LUZP2: variants seen among roughly 807,000 people sequenced by gnomAD.
The protein encoded by LUZP2 is leucine zipper protein 2.
In LUZP2, 52 loss-of-function variants were observed where a neutral mutation model predicts 51.6. The ratio of observed to expected loss-of-function variants is 1.01; its 90% CI spans 0.81 to 1.27. The LOEUF is 1.27. Ranked by LOEUF, LUZP2 falls within the 50% of genes most tolerant of loss-of-function variation. The pLI, the probability that LUZP2 is intolerant of heterozygous loss-of-function variation, is 0.00. For synonymous variants in LUZP2, 154 were observed against 137.3 expected, an observed-to-expected ratio of 1.12 and a Z score of -0.85; for missense variants, 436 against 395.4, an observed-to-expected ratio of 1.10 and a Z score of -0.87.
At chr11:24,877,934 G>A (rs1852325512) in intron 5 of LUZP2, among the ~76,000 whole-genome samples, 1 of 151,996 alleles carries the variant, frequency 6.6e-6, no homozygotes, top group South Asian at 2.1e-4. Context: ...GTAAATAACA[G>A]GATCTCATAT....
At chr11:24,942,158 T>C (rs1338550136) in intron 7 of LUZP2, among the ~76,000 whole-genome samples, 1 of 152,208 alleles carries the variant, frequency 6.6e-6, no homozygotes, top group Non-Finnish European at 1.5e-5. Context: ...CTATTATAAA[T>C]ACTGCTGCTA....
intron 1 of LUZP2, among the ~76,000 whole-genome samples, chr11:24,689,447 C>T (rs931220887): frequency 5.9e-5 from 9 of 152,180 alleles, no homozygotes; most frequent in African/African-American, 2.2e-4. Flanking sequence ...GCCTGCTCAC[C>T]CAGCTCCTGA....
intron 7 of LUZP2, among the ~76,000 whole-genome samples, chr11:24,924,352 A>G (rs1163384554): frequency 6.6e-5 from 10 of 152,128 alleles, no homozygotes; most frequent in East Asian, 1.9e-4. Context: ...TGCTGGGATT[A>G]CAGGCGTGAG....
At chr11:24,962,456 GTTCAT>G (rs1855442321) in intron 7 of LUZP2, among the ~76,000 whole-genome samples, 1 of 152,140 alleles carries the variant, frequency 6.6e-6, no homozygotes, top group South Asian at 2.1e-4. Context: ...TGGAGGCTTT[GTTCAT>G]TTCTTTTTAT....
At chr11:24,685,384 A>T (rs1456252957) in intron 1 of LUZP2, among the ~76,000 whole-genome samples, 5 of 152,016 alleles carry the variant, frequency 3.3e-5, no homozygotes, top group African/African-American at 7.2e-5. Flanking sequence ...CACCTGCCTA[A>T]TTACTATCTC....
intron 4 of LUZP2, among the ~76,000 whole-genome samples, chr11:24,745,106 T>C (rs1018248946): frequency 6.6e-6 from 1 of 152,192 alleles, no homozygotes; most frequent in East Asian, 1.9e-4. Flanking sequence ...TTAAACTTAT[T>C]GAGACTTGTT....
intron 1 of LUZP2, among the ~76,000 whole-genome samples, chr11:24,690,856 A>G (rs1419722784): frequency 6.6e-6 from 1 of 152,078 alleles, no homozygotes; most frequent in Admixed American, 6.6e-5. Context: ...GTGGGAGAGA[A>G]ATAATTTTTG....
chr11:24,736,706 T>A (rs1373808056), intron 3 of LUZP2, among the ~76,000 whole-genome samples: 1 of 151,970 alleles, frequency 6.6e-6, no homozygotes, highest in Admixed American at 6.6e-5. Flanking sequence ...TATATTATAC[T>A]ACAAACACTC....
At position 25,013,285 on chromosome 11, in the gene LUZP2, G is replaced by GA. The variant is rs201931875; in HGVS notation, c.765+29998dup. Among the ~76,000 whole-genome samples the GA allele has an allele frequency of 4.5e-3, 690 of 152,084 alleles. 8 individuals are homozygous for GA. The highest frequency in any genetic ancestry group is 0.016 in the African/African-American group (656 of 41,502). On this transcript the variant is annotated intron_variant, in intron 9 of 11. Transcript: ENST00000336930. Reference sequence around the variant, plus strand: ...TGGGTACAAACATACACTTAACGTAGAAAAAATGAATGTTTAACAGCAGAG... The same window carrying GA: ...TGGGTACAAACATACACTTAACGTAGAAAAAAATGAATGTTTAACAGCAGAG...
intron 1 of LUZP2, among the ~76,000 whole-genome samples, chr11:24,665,209 T>C (rs941774474): frequency 6.6e-5 from 10 of 152,300 alleles, no homozygotes; most frequent in East Asian, 1.9e-4. Context: ...GACTGCCTTA[T>C]TGGATTTTGG....
In LUZP2 at chr11:24,913,669, T is replaced by TTTTG. The variant is rs374943014; in HGVS notation, c.460-806_460-805insTTGT. 2.9e-3 allele frequency among the ~76,000 whole-genome samples: 426 copies of TTTTG among 148,536 alleles called. 2 individuals carry two copies. Among genetic ancestry groups the TTTTG allele is most frequent in the African/African-American group, 7.3e-3 (295 of 40,674 alleles). On this transcript the variant is annotated intron_variant, in intron 6 of 11. Coordinates refer to ENST00000336930, the MANE Select transcript of LUZP2 (RefSeq NM_001009909.4). ...CATGTGATCATGCTAATCTATTTAT[T>TTTTG]TGTGTGTGTGTGTGTGTGTGTGTGT...
chr11:24,921,189 C>G (rs941067068), intron 7 of LUZP2, among the ~76,000 whole-genome samples: 5 of 151,968 alleles, frequency 3.3e-5, no homozygotes, highest in South Asian at 2.1e-4. Context: ...AAGAAAACAG[C>G]TCCCCCATAC....
intron 5 of LUZP2, among the ~76,000 whole-genome samples, chr11:24,775,517 T>C (rs1848890928): frequency 6.6e-6 from 1 of 152,052 alleles, no homozygotes; most frequent in South Asian, 2.1e-4. Flanking sequence ...TTTCTACTTC[T>C]CAAGGGTGTT....
chr11:24,776,597 A>G (rs1416984642), intron 5 of LUZP2, among the ~76,000 whole-genome samples: 2 of 152,126 alleles, frequency 1.3e-5, no homozygotes, highest in Non-Finnish European at 2.9e-5. Context: ...TAATGTAATC[A>G]TTGCTGTTCC....
At chr11:24,612,533 A>G (rs908071259) in intron 1 of LUZP2, among the ~76,000 whole-genome samples, 17 of 152,090 alleles carry the variant, frequency 1.1e-4, no homozygotes, top group African/African-American at 4.1e-4. Flanking sequence ...ATCAAGTACC[A>G]GTTTTTTCTT....
chr11:24,998,151 G>A (rs1342353742), intron 9 of LUZP2, among the ~76,000 whole-genome samples: 1 of 152,086 alleles, frequency 6.6e-6, no homozygotes, highest in African/African-American at 2.4e-5. Context: ...TTCCAATTCT[G>A]TGAAGAAAGT....
chr11:24,907,648 G>A (rs1030897549), intron 6 of LUZP2, among the ~76,000 whole-genome samples: 1 of 152,134 alleles, frequency 6.6e-6, no homozygotes, highest in Admixed American at 6.5e-5. Flanking sequence ...GAAATATCTA[G>A]ATTGAAGTTA....
At chr11:24,905,712 A>C (rs142833466) in intron 5 of LUZP2, among the ~76,000 whole-genome samples, 3 of 152,206 alleles carry the variant, frequency 2.0e-5, no homozygotes, top group Non-Finnish European at 4.4e-5. Flanking sequence ...TTTTTTTTCA[A>C]AAACGAAATC....
intron 7 of LUZP2, among the ~76,000 whole-genome samples, chr11:24,926,623 A>ATG (rs1487722523): frequency 7.0e-6 from 1 of 142,790 alleles, no homozygotes; most frequent in Non-Finnish European, 1.5e-5. Context: ...GTATATATAT[A>ATG]TGTGTGTATA....
Sources: allele counts gnomAD v4.1 joint callset (sites outside exome capture counted in the v4.1 genomes callset), GRCh38; gene constraint gnomAD v4.1.1; transcripts MANE v1.5; gene names NCBI Gene and HGNC (gene_info 2026-07-23, HGNC 2026-07-21).